The following PAK6 variants were observed in gnomAD, a reference collection of about 807,000 sequenced individuals.
PAK6 encodes the protein p21 (RAC1) activated kinase 6.
Under a neutral mutation model 60.8 loss-of-function variants are expected in PAK6, and 33 were observed. That is an observed-to-expected ratio of 0.54 (90% CI 0.41 to 0.73). The LOEUF (loss-of-function observed/expected upper bound fraction) is 0.73. Ranked by LOEUF, PAK6 falls within the 30% of genes least tolerant of loss-of-function variation. The probability of loss-of-function intolerance (pLI) is 0.00; values close to 1 mark genes in which losing one functional copy is unlikely to be tolerated. For synonymous variants in PAK6, 404 were observed against 378.5 expected (o/e 1.07, Z -0.78); for missense variants, 845 against 904.1 (o/e 0.93, Z 0.84).
At chr15:40,276,209 T>A in exon 11 of PAK6, 4 of 1,054,794 alleles carry the variant, frequency 3.8e-6, no homozygotes, top group Non-Finnish European at 5.6e-6. Context: ...AAGATTGAAA[T>A]GTGAAGCCCC....
intron 3 of PAK6, chr15:40,263,813 C>T: frequency 2.3e-6 from 1 of 433,744 alleles, no homozygotes; most frequent in East Asian, 7.2e-5. Context: ...GACAGGTTTT[C>T]ACCATGTTGG....
chr15:40,276,045 G>T, exon 11 of PAK6: 3 of 1,613,766 alleles, frequency 1.9e-6, no homozygotes, highest in Non-Finnish European at 2.5e-6. Flanking sequence ...CTACCTGAGT[G>T]CCTGGTGCCC....
intron 5 of PAK6, among the ~76,000 whole-genome samples, chr15:40,270,831 G>T (rs981918126): frequency 1.3e-5 from 2 of 152,240 alleles, no homozygotes; most frequent in African/African-American, 4.8e-5. Flanking sequence ...GCCAGCAGGA[G>T]TGCCTATTCC....
chr15:40,251,170 GGGA>G (rs2038656967), intron 2 of PAK6: 2 of 152,536 alleles, frequency 1.3e-5, no homozygotes, highest in African/African-American at 4.8e-5. Context: ...ACAGAGTAAG[GGGA>G]GGAGAACAGA....
chr15:40,252,448 G>C, intron 2 of PAK6: 1 of 1,360,254 alleles, frequency 7.4e-7, no homozygotes, highest in Non-Finnish European at 9.8e-7. Flanking sequence ...GGCGCCCCTC[G>C]GGCAGAGGGG....
intron 2 of PAK6, among the ~76,000 whole-genome samples, chr15:40,248,064 A>G (rs147532716): frequency 1.3e-5 from 2 of 152,076 alleles, no homozygotes; most frequent in Admixed American, 1.3e-4. Context: ...TACTCTTTCC[A>G]TTACATGCAT....
intron 2 of PAK6, among the ~76,000 whole-genome samples, chr15:40,241,684 C>A (rs887141021): frequency 3.3e-5 from 5 of 152,254 alleles, no homozygotes; most frequent in Admixed American, 2.0e-4. Flanking sequence ...GACTGCACGG[C>A]CTCTCCAGTG....
intron 3 of PAK6, among the ~76,000 whole-genome samples, chr15:40,256,467 G>T (rs951665704): frequency 6.6e-6 from 1 of 152,206 alleles, no homozygotes; most frequent in Non-Finnish European, 1.5e-5. Flanking sequence ...CCCTGGAGGT[G>T]ACAGGGTCCT....
intron 9 of PAK6, 88 bp downstream of exon 9, chr15:40,273,764 A>T (rs1483000599): frequency 8.7e-6 from 13 of 1,495,888 alleles, no homozygotes; most frequent in Non-Finnish European, 1.2e-5. Context: ...TGAGCTCACC[A>T]AAAGCAGCCC....
At chr15:40,252,568 C>T in intron 2 of PAK6, 1 of 1,359,558 alleles carries the variant, frequency 7.4e-7, no homozygotes, top group Non-Finnish European at 9.8e-7. Flanking sequence ...TCAGGTGAAG[C>T]CGGCGCTGCA....
chr15:40,272,739 G>T lies in PAK6; in HGVS notation c.1356+18G>T. 6.3e-7 allele frequency: 1 copy of T among 1,580,264 alleles called. No individual in the cohort carries two copies. The highest frequency in any genetic ancestry group is 1.1e-5 in the South Asian group (1 of 87,070). ...TCAACGAGGTGGGAGGACAGGGTGG[G>T]ACACAGACGGGGGCGTTGGGGATGG... is the stretch of plus-strand genomic sequence containing the variant. On this transcript the variant is annotated intron_variant, in intron 6 of 10. Coordinates refer to ENST00000560346, the Ensembl canonical transcript of PAK6.
At chr15:40,242,957 T>C (rs150316713) in intron 2 of PAK6, among the ~76,000 whole-genome samples, 59 of 152,194 alleles carry the variant, frequency 3.9e-4, no homozygotes, top group African/African-American at 1.4e-3. Context: ...GGGATGCTCA[T>C]AGCCCTGCAG....
chr15:40,272,344 A>G, exon 6 of PAK6: 18 of 1,613,802 alleles, frequency 1.1e-5, no homozygotes, highest in Non-Finnish European at 1.5e-5. Context: ...TTCGGATACC[A>G]GCAGCCCCCA....
chr15:40,272,949 C>T (rs1449163447), exon 7 of PAK6: 5 of 1,614,016 alleles, frequency 3.1e-6, no homozygotes, highest in Non-Finnish European at 4.2e-6. Flanking sequence ...TGTGGGTGCT[C>T]ATGGAGTTCC....
chr15:40,266,661 G>A (rs2039147422), intron 5 of PAK6, 166 bp downstream of exon 5: 1 of 546,640 alleles, frequency 1.8e-6, no homozygotes, highest in Non-Finnish European at 3.1e-6. Flanking sequence ...AGGGTGGCTC[G>A]CCTCCTCCTT....
At chr15:40,252,260 C>A in intron 2 of PAK6, 1 of 1,199,022 alleles carries the variant, frequency 8.3e-7, no homozygotes, top group South Asian at 1.5e-5. Flanking sequence ...TGCCAGTGAA[C>A]GAGGTGATTA....
intron 7 of PAK6, 74 bp from the exon 8 acceptor site, chr15:40,273,272 A>G: frequency 6.4e-7 from 1 of 1,550,994 alleles, no homozygotes; most frequent in Non-Finnish European, 8.8e-7. Flanking sequence ...AGGGACTCCT[A>G]CTCTGCTCAG....
In PAK6 at chr15:40,272,729, G is replaced by A. The variant is rs746851673; in HGVS notation, c.1356+8G>A. ...GAGCTGCTCTTCAACGAGGTGGGAG[G>A]ACAGGGTGGGACACAGACGGGGGCG... is the stretch of plus-strand genomic sequence containing the variant. On this transcript the variant is annotated splice_region_variant and intron_variant, in intron 6 of 10. Coordinates refer to ENST00000560346, the Ensembl canonical transcript of PAK6. 10 of 1,580,800 alleles carry A rather than the reference G, an allele frequency of 6.3e-6. No homozygotes were observed. The highest frequency in any genetic ancestry group is 8.6e-6 in the Non-Finnish European group (10 of 1,164,524).
rs553933380 is a variant in PAK6 at position 40,273,792 on chromosome 15, C to T, written c.1743+116C>T. ...AGCAGCCCTGGTTTTCAGAGTCCCA[C>T]CTAGTCAACACCCTTCCCCCTTTCG... On this transcript the variant is annotated intron_variant, in intron 9 of 10. Transcript: ENST00000560346. 7.3e-6 allele frequency: 9 copies of T among 1,237,368 alleles called. No homozygotes were observed. The Admixed American group carries it at 1.4e-4, about 20-fold the overall frequency. The allele number at this position is 1,237,368 out of a possible 1,614,324, so 76.6% of individuals were successfully genotyped here.
Sources: allele counts gnomAD v4.1 joint callset (sites outside exome capture counted in the v4.1 genomes callset), GRCh38; gene constraint gnomAD v4.1.1; transcripts MANE v1.5; gene names NCBI Gene and HGNC (gene_info 2026-07-23, HGNC 2026-07-21).